The following RAB27B variants were observed in gnomAD, a reference collection of about 807,000 sequenced individuals.
RAB27B encodes ras-related protein Rab-27B.
A neutral mutation model predicts 24.6 loss-of-function variants in RAB27B; 15 were observed. The ratio of observed to expected loss-of-function variants is 0.61; its 90% CI spans 0.41 to 0.94. The LOEUF is 0.94. RAB27B is among the 40% of genes least tolerant of loss of function. The probability of loss-of-function intolerance (pLI) is 0.00; values close to 1 mark genes in which losing one functional copy is unlikely to be tolerated. For missense variants in RAB27B, 261 were observed against 266.8 expected (o/e 0.98, Z 0.15); for synonymous variants, 105 against 92.5 (o/e 1.14, Z -0.78).
intron 2 of RAB27B, among the ~76,000 whole-genome samples, chr18:54,737,420 T>C (rs1909929169): frequency 6.6e-6 from 1 of 151,150 alleles, no homozygotes; most frequent in African/African-American, 2.4e-5. Context: ...AACATTAAAT[T>C]TGATTGCAGA....
intron 1 of RAB27B, among the ~76,000 whole-genome samples, chr18:54,874,278 G>T (rs1422768860): frequency 6.6e-6 from 1 of 152,070 alleles, no homozygotes; most frequent in Non-Finnish European, 1.5e-5. Flanking sequence ...AGTCTTCTTG[G>T]ATCACTGCAG....
At chr18:54,743,929 A>G (rs373523208) in intron 2 of RAB27B, among the ~76,000 whole-genome samples, 49 of 152,334 alleles carry the variant, frequency 3.2e-4, no homozygotes, top group African/African-American at 1.2e-3. Flanking sequence ...TTACAGAGAT[A>G]TCACATCACA....
intron 2 of RAB27B, among the ~76,000 whole-genome samples, chr18:54,799,804 A>G (rs940243981): frequency 2.6e-5 from 4 of 151,758 alleles, no homozygotes; most frequent in African/African-American, 7.3e-5. Flanking sequence ...TAATTTTTCT[A>G]TTTTTAGTAG....
intron 1 of RAB27B, among the ~76,000 whole-genome samples, chr18:54,856,206 T>C (rs7243110): frequency 0.26 from 39,608 of 152,120 alleles, 5,185 homozygotes; most frequent in East Asian, 0.46. Flanking sequence ...AAATTTCAGC[T>C]GAGAACTGAA....
intron 1 of RAB27B, among the ~76,000 whole-genome samples, chr18:54,869,184 A>G (rs1383039677): frequency 1.3e-5 from 2 of 152,214 alleles, no homozygotes; most frequent in African/African-American, 2.4e-5. Context: ...GATGGAATCC[A>G]TTAGGAGTAT....
At chr18:54,730,902 T>C (rs1294820184) in intron 2 of RAB27B, among the ~76,000 whole-genome samples, 2 of 152,234 alleles carry the variant, frequency 1.3e-5, no homozygotes, top group Non-Finnish European at 2.9e-5. Flanking sequence ...CATGAGTTTG[T>C]TTACATTGTT....
intron 1 of RAB27B, among the ~76,000 whole-genome samples, chr18:54,862,795 G>C (rs373332073): frequency 6.6e-6 from 1 of 152,150 alleles, no homozygotes; most frequent in Non-Finnish European, 1.5e-5. Flanking sequence ...CTGCGCTGCT[G>C]TTTCTCAATG....
At chr18:54,861,638 G>A (rs1462991170) in intron 1 of RAB27B, among the ~76,000 whole-genome samples, 2 of 152,222 alleles carry the variant, frequency 1.3e-5, no homozygotes, top group African/African-American at 2.4e-5. Flanking sequence ...TCTGGGCTAA[G>A]AGGTAGGGCA....
intron 2 of RAB27B, among the ~76,000 whole-genome samples, chr18:54,728,894 A>AC: frequency 1.1e-5 from 1 of 87,376 alleles, no homozygotes; most frequent in East Asian, 2.7e-4. Flanking sequence ...AAAAAAAAAA[A>AC]AAAAAACCCA....
At chr18:54,752,677 C>A (rs183970128) in intron 2 of RAB27B, among the ~76,000 whole-genome samples, 2 of 152,270 alleles carry the variant, frequency 1.3e-5, no homozygotes, top group Admixed American at 1.3e-4. Context: ...GAGCAGTAGG[C>A]AGCCTAGAAG....
rs1913344680 is a variant in RAB27B, at chr18:54,890,995, T to TA, written c.*1582_*1583insA. 1 of 151,604 alleles carries TA rather than the reference T, an allele frequency of 6.6e-6. No homozygotes were observed. Among genetic ancestry groups the TA allele is most frequent in the African/African-American group, 2.4e-5 (1 of 41,244 alleles). 9.4% of individuals were successfully genotyped at this position (151,604 alleles called of 1,614,324 possible). On this transcript the variant is annotated 3_prime_UTR_variant, in exon 6 of 6. Transcript: ENST00000262094. ...AAAGACAATATATTTTCGTTTTTTT[T>TA]TATTATGAGCATATGATTTTTTGAC...
intron 2 of RAB27B, among the ~76,000 whole-genome samples, chr18:54,766,844 G>T (rs1908378363): frequency 6.6e-6 from 1 of 152,126 alleles, no homozygotes; most frequent in African/African-American, 2.4e-5. Context: ...TGGCTGCCTA[G>T]GGAATTTTTA....
chr18:54,794,277 C>T (rs1466588506), intron 2 of RAB27B, among the ~76,000 whole-genome samples: 2 of 152,144 alleles, frequency 1.3e-5, no homozygotes, highest in Non-Finnish European at 2.9e-5. Context: ...ACACTCTAGT[C>T]TTCTTAGAAC....
At chr18:54,769,851 T>C (rs1386880318) in intron 2 of RAB27B, among the ~76,000 whole-genome samples, 1 of 152,160 alleles carries the variant, frequency 6.6e-6, no homozygotes, top group Non-Finnish European at 1.5e-5. Context: ...ACAACTGTTA[T>C]CATATGCTAA....
chr18:54,745,683 A>T (rs562386486), intron 2 of RAB27B: 1 of 151,692 alleles, frequency 6.6e-6, no homozygotes, highest in Non-Finnish European at 1.5e-5. Flanking sequence ...AAGCAAAAAA[A>T]TTTTTAAAAG....
intron 4 of RAB27B, among the ~76,000 whole-genome samples, chr18:54,887,647 T>G (rs1222983893): frequency 6.6e-6 from 1 of 152,122 alleles, no homozygotes; most frequent in Non-Finnish European, 1.5e-5. Flanking sequence ...AGAAATCTCC[T>G]TAAGCAAGAA....
In RAB27B at chr18:54,895,211, T is replaced by C. The variant is rs1913522436; in HGVS notation, c.*5798T>C. On this transcript the variant is annotated 3_prime_UTR_variant, in exon 6 of 6. Transcript: ENST00000262094. ...CAGTTTACCTTCAAGTAATATTATCTTTATTTTTAGGCTAAGCACGTTTGA... is the reference window on the plus strand; with the variant it reads ...CAGTTTACCTTCAAGTAATATTATCCTTATTTTTAGGCTAAGCACGTTTGA... The C allele has an allele frequency of 6.6e-6, 1 of 152,160 alleles. No individual in the cohort carries two copies. The highest frequency in any genetic ancestry group is 2.1e-4 in the South Asian group (1 of 4,830). The allele number at this position is 152,160 out of a possible 1,614,324, so 9.4% of individuals were successfully genotyped here. A position where few individuals can be genotyped will look rare whatever the true frequency, so the allele number is the denominator to read the frequency against.
intron 1 of RAB27B, among the ~76,000 whole-genome samples, chr18:54,838,513 G>C (rs1185974359): frequency 1.3e-5 from 2 of 152,068 alleles, no homozygotes; most frequent in African/African-American, 2.4e-5. Flanking sequence ...TTAATAATTA[G>C]TACGAGAACA....
At chr18:54,747,207 T>C (rs1910280316) in intron 2 of RAB27B, among the ~76,000 whole-genome samples, 3 of 152,140 alleles carry the variant, frequency 2.0e-5, no homozygotes, top group Admixed American at 6.6e-5. Context: ...TCAACTGCCT[T>C]CATTTTTGCT....
Sources: gnomAD v4.1 joint callset for allele counts (sites outside exome capture counted in the v4.1 genomes callset) on GRCh38, gnomAD v4.1.1 for gene constraint, MANE v1.5 for transcripts, NCBI Gene and HGNC (gene_info 2026-07-23, HGNC 2026-07-21) for gene names.